The following SOX5 variants were observed in gnomAD, a reference collection of about 807,000 sequenced individuals.
SOX5 encodes the protein SRY-box transcription factor 5.
In SOX5, 9 loss-of-function variants were observed where a neutral mutation model predicts 92.0. The ratio of observed to expected loss-of-function variants is 0.10; its 90% CI spans 0.06 to 0.17. The LOEUF (loss-of-function observed/expected upper bound fraction) is 0.17, where lower values mean the gene tolerates loss of function less well. SOX5 is among the 10% of genes least tolerant of loss of function. The pLI, the probability that SOX5 is intolerant of heterozygous loss-of-function variation, is 1.00. For synonymous variants in SOX5, 344 were observed against 336.3 expected (o/e 1.02, Z -0.25); for missense variants, 642 against 944.5 (o/e 0.68, Z 4.20).
chr12:24,548,049 C>G (rs1280382615), intron 1 of SOX5, among the ~76,000 whole-genome samples: 1 of 151,942 alleles, frequency 6.6e-6, no homozygotes, highest in African/African-American at 2.4e-5. Context: ...TTTTTAAGTA[C>G]CTTGCATTCA....
intron 3 of SOX5, among the ~76,000 whole-genome samples, chr12:24,249,805 A>T (rs1939657133): frequency 6.6e-6 from 1 of 152,244 alleles, no homozygotes. Flanking sequence ...GTACCAACAC[A>T]TTCAAATTAA....
At position 23,882,408 on chromosome 12, in the gene SOX5, C is replaced by T. The variant is rs76588177; in HGVS notation, c.270+13385G>A. Among the ~76,000 whole-genome samples the T allele has an allele frequency of 3.2e-3, 489 of 151,762 alleles. 1 individual carries two copies. The highest frequency in any genetic ancestry group is 0.011 in the African/African-American group (472 of 41,436). On this transcript the variant is annotated intron_variant, in intron 2 of 14. Coordinates refer to ENST00000451604, the MANE Select transcript of SOX5 (RefSeq NM_006940.6). ...AACCACGGTAATAAACACAAACCCC[C>T]GAACCATGTCCTAAAAGAATATCAT... is the stretch of plus-strand genomic sequence containing the variant.
At chr12:23,840,835 A>T (rs997299334) in intron 3 of SOX5, among the ~76,000 whole-genome samples, 3 of 152,180 alleles carry the variant, frequency 2.0e-5, no homozygotes, top group Non-Finnish European at 4.4e-5. Flanking sequence ...TACAAAATTT[A>T]ACTCAAAAGG....
At chr12:23,871,172 C>T (rs773576494) in intron 2 of SOX5, among the ~76,000 whole-genome samples, 1 of 152,110 alleles carries the variant, frequency 6.6e-6, no homozygotes, top group Non-Finnish European at 1.5e-5. Context: ...CTAAAAGCAT[C>T]TCAATTACAA....
chr12:23,818,329 G>A (rs538942400), intron 3 of SOX5, among the ~76,000 whole-genome samples: 94 of 152,198 alleles, frequency 6.2e-4, no homozygotes, highest in African/African-American at 2.0e-3. Flanking sequence ...GCTGAATACC[G>A]TATGCAACTG....
intron 2 of SOX5, among the ~76,000 whole-genome samples, chr12:24,301,413 T>C (rs1199137758): frequency 2.0e-5 from 3 of 152,230 alleles, no homozygotes; most frequent in Non-Finnish European, 4.4e-5. Context: ...ATATTCCTTA[T>C]GATATACTAC....
chr12:23,558,026 T>C (rs116154415), intron 11 of SOX5, among the ~76,000 whole-genome samples: 116 of 147,950 alleles, frequency 7.8e-4, no homozygotes, highest in African/African-American at 2.8e-3. Flanking sequence ...GGGCAAAAGA[T>C]AGATAGATGG....
intron 2 of SOX5, among the ~76,000 whole-genome samples, chr12:24,360,731 G>A (rs919854672): frequency 1.3e-5 from 2 of 152,106 alleles, no homozygotes; most frequent in African/African-American, 4.8e-5. Context: ...TCTAAAAACT[G>A]GATATATGTA....
chr12:24,065,005 C>T (rs926593676), intron 4 of SOX5, among the ~76,000 whole-genome samples: 3 of 152,178 alleles, frequency 2.0e-5, no homozygotes, highest in Non-Finnish European at 4.4e-5. Context: ...AGGCAATATC[C>T]TTAATCACCA....
intron 6 of SOX5, among the ~76,000 whole-genome samples, chr12:23,704,123 C>T (rs2140255916): frequency 6.6e-6 from 1 of 151,928 alleles, no homozygotes; most frequent in African/African-American, 2.4e-5. Flanking sequence ...TTTCTGATTC[C>T]TGTTTTCCTC....
chr12:24,239,248 G>A (rs1018813963), intron 3 of SOX5, among the ~76,000 whole-genome samples: 2 of 152,124 alleles, frequency 1.3e-5, no homozygotes, highest in Non-Finnish European at 1.5e-5. Context: ...ATTTACAAAC[G>A]CTTAGAGTAT....
At chr12:24,266,050 G>A (rs1942971836) in intron 3 of SOX5, among the ~76,000 whole-genome samples, 2 of 142,832 alleles carry the variant, frequency 1.4e-5, no homozygotes, top group South Asian at 4.7e-4. Context: ...GTGTGTGTGT[G>A]TGTGTGTGTG....
At chr12:24,418,507 G>C (rs1002072474) in intron 1 of SOX5, among the ~76,000 whole-genome samples, 1 of 152,186 alleles carries the variant, frequency 6.6e-6, no homozygotes, top group African/African-American at 2.4e-5. Context: ...AGAGCCACTG[G>C]AAGAGATGGT....
At chr12:23,563,436 G>A in intron 10 of SOX5, 33 bp from the exon 11 acceptor site, 1 of 1,601,772 alleles carries the variant, frequency 6.2e-7, no homozygotes, top group Non-Finnish European at 8.5e-7. Context: ...GATATCTTTT[G>A]TATAAAAGCA....
At position 24,220,347 on chromosome 12, in the gene SOX5, T is replaced by G. The variant is rs1349273729; in HGVS notation, c.-76-6930A>C. Among the ~76,000 whole-genome samples, 3 of 151,944 alleles carry G rather than the reference T, an allele frequency of 2.0e-5. No homozygotes were observed. The East Asian group carries it at 5.8e-4, about 29-fold the overall frequency. On this transcript the variant is annotated intron_variant, in intron 3 of 4. Coordinates refer to the SOX5 transcript ENST00000446891. ...AACTTTGGGAAATAATCAGAGGATT[T>G]GTACTTTATGTAACTAATGATGCAC... is the stretch of plus-strand genomic sequence containing the variant.
intron 3 of SOX5, among the ~76,000 whole-genome samples, chr12:23,837,959 T>A (rs1225473130): frequency 8.1e-6 from 1 of 123,458 alleles, no homozygotes; most frequent in Non-Finnish European, 1.6e-5. Context: ...ATATAGTATA[T>A]GTTTATATTT....
At chr12:24,352,321 A>G (rs1954186855) in intron 2 of SOX5, among the ~76,000 whole-genome samples, 16 of 152,198 alleles carry the variant, frequency 1.1e-4, no homozygotes, top group Admixed American at 1.0e-3. Flanking sequence ...AATAGATTAT[A>G]TATTGATTAT....
At chr12:23,878,638 T>G (rs7306027) in intron 2 of SOX5, among the ~76,000 whole-genome samples, 103,766 of 151,908 alleles carry the variant, frequency 0.68, 35,576 homozygotes, top group East Asian at 0.89. Flanking sequence ...AACAAATCCA[T>G]AAAATATTAA....
rs577153412 is a variant in SOX5 at position 24,263,224 on chromosome 12, T to TA, written c.-77+13991dup. 4.3e-3 allele frequency among the ~76,000 whole-genome samples: 630 copies of TA among 146,512 alleles called. 7 individuals are homozygous for TA. Among genetic ancestry groups the TA allele is most frequent in the Non-Finnish European group, 7.7e-3 (509 of 66,428 alleles). On this transcript the variant is annotated intron_variant, in intron 3 of 4. Transcript: ENST00000446891. The stretch of plus-strand genomic sequence containing the variant: ...TGGCTGACAGAGCAAGACTCCATCT[T>TA]AAAAAAAGGAAGAAATTACTAGGCC...
Sources: allele counts gnomAD v4.1 joint callset (sites outside exome capture counted in the v4.1 genomes callset), GRCh38; gene constraint gnomAD v4.1.1; transcripts MANE v1.5; gene names NCBI Gene and HGNC (gene_info 2026-07-23, HGNC 2026-07-21).